The following RPS6KC1 variants were observed in gnomAD, a reference collection of about 807,000 sequenced individuals.
RPS6KC1 encodes the protein ribosomal protein S6 kinase C1, also known as inactive ribosomal protein S6 kinase delta-1.
Under a neutral mutation model 103.8 loss-of-function variants are expected in RPS6KC1, and 54 were observed. The ratio of observed to expected loss-of-function variants is 0.52; its 90% CI spans 0.42 to 0.65. The LOEUF (loss-of-function observed/expected upper bound fraction) is 0.65. Among genes scored for constraint, RPS6KC1 ranks in the 30% least tolerant of loss-of-function variants. RPS6KC1 has a pLI of 0.00. For missense variants in RPS6KC1, 1,151 were observed against 1,253.8 expected (o/e 0.92, Z 1.24); for synonymous variants, 439 against 438.7 (o/e 1.00, Z -0.01).
the RPS6KC1 span, among the ~76,000 whole-genome samples, chr1:213,785,420 TA>T: frequency 6.8e-6 from 1 of 147,588 alleles, no homozygotes; most frequent in Non-Finnish European, 1.5e-5. Context: ...CTCTAAAAAA[TA>T]AAAATAAAAA....
chr1:213,462,171 T>C, the RPS6KC1 span, among the ~76,000 whole-genome samples: 1 of 152,192 alleles, frequency 6.6e-6, no homozygotes, highest in South Asian at 2.1e-4. Context: ...TCATCATCAC[T>C]TGTCATTAGA....
chr1:213,777,770 A>G, the RPS6KC1 span, among the ~76,000 whole-genome samples: 1 of 152,160 alleles, frequency 6.6e-6, no homozygotes, highest in African/African-American at 2.4e-5. Context: ...GCTATTTTTA[A>G]TTTTTCAAAT....
intron 12 of RPS6KC1, among the ~76,000 whole-genome samples, chr1:213,255,641 T>C (rs2149055227): frequency 6.6e-6 from 1 of 152,338 alleles, no homozygotes; most frequent in Non-Finnish European, 1.5e-5. Context: ...GGCAATACAG[T>C]TTCAGTGTGT....
the RPS6KC1 span, among the ~76,000 whole-genome samples, chr1:213,659,989 A>G: frequency 6.6e-6 from 1 of 152,208 alleles, no homozygotes; most frequent in Non-Finnish European, 1.5e-5. Context: ...AAAATTTCAC[A>G]TGGGAAATTC....
At position 213,209,607 on chromosome 1, in the gene RPS6KC1, A is replaced by G. The variant is rs569101637; in HGVS notation, c.1045-20890A>G. 2.1e-5 allele frequency among the ~76,000 whole-genome samples: 3 copies of G among 141,672 alleles called. No individual in the cohort carries two copies. In the East Asian group the frequency reaches 7.0e-4, roughly 33 times the overall value. 92.9% of individuals were successfully genotyped at this position (141,672 alleles called of 152,430 possible). ...CTACTTGGCAGGCTGAAGCAGGAGA[A>G]TGGCTTGAACCTGGGAGGTGGAGGT... On this transcript the variant is annotated intron_variant, in intron 8 of 14. Transcript: ENST00000366960.
At chr1:213,525,285 G>A in the RPS6KC1 span, among the ~76,000 whole-genome samples, 1 of 152,148 alleles carries the variant, frequency 6.6e-6, no homozygotes, top group Non-Finnish European at 1.5e-5. Flanking sequence ...CAGCTGTGGG[G>A]GTGTAAGAGA....
At chr1:213,762,243 G>A in the RPS6KC1 span, among the ~76,000 whole-genome samples, 1 of 152,202 alleles carries the variant, frequency 6.6e-6, no homozygotes, top group African/African-American at 2.4e-5. Context: ...TCATGTCTGA[G>A]TCACAGATCA....
At chr1:213,527,506 C>T in the RPS6KC1 span, among the ~76,000 whole-genome samples, 13 of 152,140 alleles carry the variant, frequency 8.5e-5, no homozygotes, top group East Asian at 3.9e-4. Flanking sequence ...AGAACACAGA[C>T]TTCAGTCCTA....
chr1:213,158,521 A>G (rs928821306), intron 6 of RPS6KC1, among the ~76,000 whole-genome samples: 4 of 152,248 alleles, frequency 2.6e-5, no homozygotes, highest in African/African-American at 9.6e-5. Flanking sequence ...GATACCCATA[A>G]CATATCACAG....
At chr1:213,225,254 G>T (rs891901266) in intron 8 of RPS6KC1, among the ~76,000 whole-genome samples, 6 of 152,122 alleles carry the variant, frequency 3.9e-5, no homozygotes, top group Non-Finnish European at 7.3e-5. Context: ...CAGTCAAAGG[G>T]CACATTTTTA....
At chr1:213,534,451 A>T in the RPS6KC1 span, among the ~76,000 whole-genome samples, 1 of 152,198 alleles carries the variant, frequency 6.6e-6, no homozygotes, top group Non-Finnish European at 1.5e-5. Context: ...AGCCACAGAG[A>T]GGTTACCAGG....
chr1:213,402,307 G>A, the RPS6KC1 span, among the ~76,000 whole-genome samples: 1 of 152,176 alleles, frequency 6.6e-6, no homozygotes, highest in African/African-American at 2.4e-5. Flanking sequence ...GATGCCGCCA[G>A]CTGGTGGTGC....
the RPS6KC1 span, among the ~76,000 whole-genome samples, chr1:213,500,275 A>C: frequency 6.6e-6 from 1 of 152,172 alleles, no homozygotes; most frequent in East Asian, 1.9e-4. Flanking sequence ...GTCTGGGCCT[A>C]CACAAAGTCA....
At chr1:213,429,306 A>G in the RPS6KC1 span, among the ~76,000 whole-genome samples, 1 of 151,960 alleles carries the variant, frequency 6.6e-6, no homozygotes, top group Non-Finnish European at 1.5e-5. Context: ...GGCATATACC[A>G]CCATGCCCAG....
the RPS6KC1 span, among the ~76,000 whole-genome samples, chr1:213,488,633 T>C: frequency 6.6e-6 from 1 of 152,234 alleles, no homozygotes. Context: ...GCAGTAAATA[T>C]GCGAATTGCT....
At chr1:213,797,973 T>A in the RPS6KC1 span, among the ~76,000 whole-genome samples, 3 of 152,224 alleles carry the variant, frequency 2.0e-5, no homozygotes, top group African/African-American at 7.2e-5. Context: ...AGGAGGCCTC[T>A]GCCAATCTAA....
At chr1:213,633,615 G>A in the RPS6KC1 span, among the ~76,000 whole-genome samples, 1 of 151,794 alleles carries the variant, frequency 6.6e-6, no homozygotes, top group Non-Finnish European at 1.5e-5. Context: ...TAAAACCATC[G>A]ATGCTAGGAA....
At chr1:213,826,542 C>T in the RPS6KC1 span, among the ~76,000 whole-genome samples, 41 of 152,066 alleles carry the variant, frequency 2.7e-4, no homozygotes, top group African/African-American at 6.8e-4. Context: ...GGGTCCAGTG[C>T]GAAATGGAAA....
At chr1:213,215,637 G>T (rs1465626950) in intron 8 of RPS6KC1, among the ~76,000 whole-genome samples, 2 of 152,096 alleles carry the variant, frequency 1.3e-5, no homozygotes, top group Non-Finnish European at 2.9e-5. Flanking sequence ...AGAAAGGTCG[G>T]GTTACCCATG....
Sources: gnomAD v4.1 joint callset for allele counts (sites outside exome capture counted in the v4.1 genomes callset) on GRCh38, gnomAD v4.1.1 for gene constraint, MANE v1.5 for transcripts, NCBI Gene and HGNC (gene_info 2026-07-23, HGNC 2026-07-21) for gene names.